ZNF277: variants seen among roughly 807,000 people sequenced by gnomAD.
The protein encoded by ZNF277 is zinc finger protein 277, also known as nuclear receptor-interacting factor 4.
ZNF277 carries 55 observed loss-of-function variants against 60.7 expected under a neutral mutation model. The ratio of observed to expected loss-of-function variants is 0.91; its 90% CI spans 0.73 to 1.13. The LOEUF (loss-of-function observed/expected upper bound fraction) is 1.13, where lower values mean the gene tolerates loss of function less well. Among genes scored for constraint, ZNF277 ranks in the 50% most tolerant of loss-of-function variants. The pLI, the probability that ZNF277 is intolerant of heterozygous loss-of-function variation, is 0.00. For synonymous variants in ZNF277, 178 were observed against 179.3 expected (o/e 0.99, Z 0.06); for missense variants, 510 against 523.0 (o/e 0.98, Z 0.24).
intron 4 of ZNF277, among the ~76,000 whole-genome samples, chr7:112,301,135 T>A (rs1479194604): frequency 2.0e-5 from 3 of 151,914 alleles, no homozygotes; most frequent in Non-Finnish European, 2.9e-5. Flanking sequence ...CAGGCTGGAG[T>A]ACAGTGGCTC....
At chr7:112,222,575 T>C (rs1822060223) in intron 1 of ZNF277, among the ~76,000 whole-genome samples, 1 of 152,226 alleles carries the variant, frequency 6.6e-6, no homozygotes, top group Non-Finnish European at 1.5e-5. Flanking sequence ...TGTCTTTTTT[T>C]TCTTAGTTAG....
intron 1 of ZNF277, among the ~76,000 whole-genome samples, chr7:112,211,795 CT>C (rs1821755540): frequency 6.6e-6 from 1 of 152,208 alleles, no homozygotes; most frequent in African/African-American, 2.4e-5. Context: ...CCATGTCACA[CT>C]GTAGTTATTT....
intron 1 of ZNF277, among the ~76,000 whole-genome samples, chr7:112,232,847 G>C (rs1329464717): frequency 6.6e-6 from 1 of 152,074 alleles, no homozygotes; most frequent in African/African-American, 2.4e-5. Flanking sequence ...TTTTCTGAAT[G>C]ATCTACTCTC....
At chr7:112,268,691 T>G (rs1361218118) in intron 1 of ZNF277, among the ~76,000 whole-genome samples, 1 of 152,170 alleles carries the variant, frequency 6.6e-6, no homozygotes, top group Non-Finnish European at 1.5e-5. Flanking sequence ...ACTACCTACC[T>G]TCAGATCAGA....
At chr7:112,239,575 C>T (rs1464074643) in intron 1 of ZNF277, among the ~76,000 whole-genome samples, 1 of 152,148 alleles carries the variant, frequency 6.6e-6, no homozygotes, top group Non-Finnish European at 1.5e-5. Flanking sequence ...GGAAAGAGAA[C>T]AAGAGACTCT....
intron 4 of ZNF277, among the ~76,000 whole-genome samples, chr7:112,306,704 G>GA (rs1219079259): frequency 2.8e-4 from 43 of 151,470 alleles, no homozygotes; most frequent in African/African-American, 9.8e-4. Context: ...GTTGTTTCCA[G>GA]ACCTGACCTA....
At chr7:112,252,637 A>G (rs1363680404) in intron 1 of ZNF277, among the ~76,000 whole-genome samples, 9 of 152,140 alleles carry the variant, frequency 5.9e-5, no homozygotes. Flanking sequence ...ATAATTTACC[A>G]GTGATATCCT....
At chr7:112,275,093 T>A (rs992799221) in intron 1 of ZNF277, among the ~76,000 whole-genome samples, 4 of 152,234 alleles carry the variant, frequency 2.6e-5, no homozygotes, top group African/African-American at 9.6e-5. Context: ...GATTAGGATT[T>A]TAATGTCTTT....
intron 1 of ZNF277, among the ~76,000 whole-genome samples, chr7:112,235,682 G>A (rs1822469087): frequency 6.6e-6 from 1 of 151,998 alleles, no homozygotes; most frequent in Admixed American, 6.6e-5. Flanking sequence ...ATGATTTTCA[G>A]ATATTTTCTC....
At chr7:112,259,174 T>C (rs1471979010) in intron 1 of ZNF277, among the ~76,000 whole-genome samples, 2 of 152,160 alleles carry the variant, frequency 1.3e-5, no homozygotes, top group African/African-American at 4.8e-5. Context: ...TGCCAGCAGA[T>C]GTTCTGATTT....
At chr7:112,332,413 T>A (rs561192922) in intron 7 of ZNF277, among the ~76,000 whole-genome samples, 1 of 152,324 alleles carries the variant, frequency 6.6e-6, no homozygotes, top group South Asian at 2.1e-4. Context: ...AAGTTACTTA[T>A]CCTGTGCATC....
intron 5 of ZNF277, among the ~76,000 whole-genome samples, chr7:112,321,939 G>A (rs191221008): frequency 9.9e-5 from 15 of 151,990 alleles, no homozygotes; most frequent in Admixed American, 5.2e-4. Context: ...GACAGTTTAC[G>A]TGTTGGTAAG....
In ZNF277 at chr7:112,317,942, C is replaced by T. The variant is rs187987933; in HGVS notation, c.466-240C>T. 2.0e-4 allele frequency among the ~76,000 whole-genome samples: 31 copies of T among 152,112 alleles called. No individual in the cohort carries two copies. The East Asian group carries it at 4.8e-3, about 24-fold the overall frequency. On this transcript the variant is annotated intron_variant, in intron 4 of 11. Transcript: ENST00000361822. ...CTGGAAAAGACAGGGTAGCAAAGGACGGTAAAACCTTGTTGATTTTAATTC... is the reference window on the plus strand; with the variant it reads ...CTGGAAAAGACAGGGTAGCAAAGGATGGTAAAACCTTGTTGATTTTAATTC...
At chr7:112,228,429 A>G (rs1822231493) in intron 1 of ZNF277, among the ~76,000 whole-genome samples, 2 of 125,994 alleles carry the variant, frequency 1.6e-5, no homozygotes, top group Non-Finnish European at 3.2e-5. Flanking sequence ...AGGTGAATGC[A>G]TGTTCTTTCT....
At chr7:112,294,769 T>G (rs17159431) in intron 2 of ZNF277, among the ~76,000 whole-genome samples, 8,980 of 152,122 alleles carry the variant, frequency 0.059, 705 homozygotes, top group African/African-American at 0.18. Flanking sequence ...AGCACCATGG[T>G]ATTGGAAAAT....
chr7:112,263,920 G>A (rs1221589185), intron 1 of ZNF277, among the ~76,000 whole-genome samples: 2 of 152,070 alleles, frequency 1.3e-5, no homozygotes, highest in African/African-American at 2.4e-5. Context: ...TTCAGGCCCT[G>A]CTCTTCAGAG....
intron 1 of ZNF277, among the ~76,000 whole-genome samples, chr7:112,254,986 A>C (rs1188920745): frequency 6.6e-6 from 1 of 152,042 alleles, no homozygotes; most frequent in African/African-American, 2.4e-5. Flanking sequence ...GAAACAAAAC[A>C]AACAAACAAA....
chr7:112,322,408 T>C (rs1037322452), intron 5 of ZNF277, among the ~76,000 whole-genome samples: 1 of 152,066 alleles, frequency 6.6e-6, no homozygotes, highest in Non-Finnish European at 1.5e-5. Flanking sequence ...AATCTTCAAA[T>C]TCATTGATTT....
chr7:112,237,641 T>C (rs1790835523), intron 1 of ZNF277, among the ~76,000 whole-genome samples: 1 of 151,910 alleles, frequency 6.6e-6, no homozygotes, highest in African/African-American at 2.4e-5. Flanking sequence ...CCTCCCAAGA[T>C]TGAACCAGGA....
Sources: gnomAD v4.1 joint callset for allele counts (sites outside exome capture counted in the v4.1 genomes callset) on GRCh38, gnomAD v4.1.1 for gene constraint, MANE v1.5 for transcripts, NCBI Gene and HGNC (gene_info 2026-07-23, HGNC 2026-07-21) for gene names.